The following ACADVL variants were observed in gnomAD, a reference collection of about 807,000 sequenced individuals.
ACADVL encodes the protein very long-chain acyl-CoA dehydrogenase, mitochondrial.
In ACADVL, 73 loss-of-function variants were observed where a neutral mutation model predicts 80.4. The observed-to-expected ratio is 0.91, with a 90% confidence interval of 0.75 to 1.10. ACADVL has a LOEUF of 1.10. Among genes scored for constraint, ACADVL ranks in the 50% least tolerant of loss-of-function variants. The pLI, the probability that ACADVL is intolerant of heterozygous loss-of-function variation, is 0.00. For synonymous variants in ACADVL, 392 were observed against 326.5 expected (o/e 1.20, Z -2.16); for missense variants, 878 against 858.9 (o/e 1.02, Z -0.28).
Position 7,220,686 on chromosome 17 carries a change from G to A in ACADVL, c.277+10G>A, listed in dbSNP as rs1597519525. On this transcript the variant is annotated intron_variant, in intron 4 of 19. Coordinates refer to ENST00000356839, the MANE Select transcript of ACADVL (RefSeq NM_000018.4). ...TTCCCATACCCGTCCGGTAAGGGAA[G>A]GGATAATCAGAGCTGGGTGGGGCCA... The A allele has an allele frequency of 1.2e-6, 2 of 1,614,242 alleles. No individual in the cohort carries two copies. The highest frequency in any genetic ancestry group is 2.2e-5 in the East Asian group (1 of 44,878).
Position 7,222,061 on chromosome 17 carries a change from T to G in ACADVL, c.732T>G (p.Asn244Lys). Residue 244 changes from asparagine to lysine, a missense_variant, in exon 8 of 20, where the codon AAT (asparagine) becomes AAG (lysine). Physicochemically the swap from Asn to Lys is moderately conservative, Grantham distance 94 (BLOSUM62 0). Coordinates refer to ENST00000356839, the MANE Select transcript of ACADVL (RefSeq NM_000018.4). ...PSPCGKYYTL[N>K]GSKLWISNGG... ...CCTGTGGAAAATACTATACCCTCAA[T>G]GGAAGCAAGCTTTGGATCAGGCAAC... The G allele has an allele frequency of 6.2e-7, 1 of 1,614,132 alleles. No individual in the cohort carries two copies. Among genetic ancestry groups the G allele is most frequent in the Non-Finnish European group, 8.5e-7 (1 of 1,180,006 alleles).
upstream of ACADVL, chr17:7,217,154 G>A (rs1354286008): frequency 7.8e-7 from 1 of 1,289,926 alleles, no homozygotes; most frequent in Non-Finnish European, 9.9e-7. Context: ...CCATGTTGGG[G>A]GGCCTGGCCG....
rs1469588148 is a variant in ACADVL, at chr17:7,221,646, G to C, written c.586G>C (p.Ala196Pro). 1.2e-6 allele frequency: 2 copies of C among 1,613,980 alleles called. No individual in the cohort carries two copies. The highest frequency in any genetic ancestry group is 1.3e-5 in the African/African-American group (1 of 75,054). ...AGGCATCCTGCTCTTTGGCACAAAG[G>C]CCCAGAAAGAAAAATACCTCCCCAA... is the stretch of plus-strand genomic sequence containing the variant. ...FKGILLFGTK[A>P]QKEKYLPKLA... The change falls in exon 7 of 20, where the codon GCC becomes CCC. Residue 196 changes from alanine to proline, a missense_variant. Transcript: ENST00000356839.
chr17:7,222,578 C>T, intron 9 of ACADVL, 89 bp from the exon 10 acceptor site: 1 of 1,376,904 alleles, frequency 7.3e-7, no homozygotes, highest in Non-Finnish European at 1.0e-6. Flanking sequence ...CGTCATTCCT[C>T]CCTGGTGCAT....
rs1399451591 is a variant in ACADVL, at chr17:7,220,111, A to C, written c.63-11A>C. Reference sequence around the variant, plus strand: ...GGCACCGGGCCGGCACTGAACCCCCACTCCCCACAGCTCGCGGCTCACGGC... The same window carrying C: ...GGCACCGGGCCGGCACTGAACCCCCCCTCCCCACAGCTCGCGGCTCACGGC... On this transcript the variant is annotated splice_polypyrimidine_tract_variant and intron_variant, in intron 1 of 19. Transcript: ENST00000356839. 1 of 1,581,194 alleles carries C rather than the reference A, an allele frequency of 6.3e-7. No homozygotes were observed. Among genetic ancestry groups the C allele is most frequent in the Admixed American group, 1.8e-5 (1 of 56,412 alleles).
At chr17:7,220,302 T>C in intron 2 of ACADVL, 105 bp downstream of exon 2, 1 of 1,502,490 alleles carries the variant, frequency 6.7e-7, no homozygotes, top group Non-Finnish European at 9.0e-7. Context: ...TGCCTACTGC[T>C]CAGTCGCCGA....
chr17:7,221,327 C>T, intron 6 of ACADVL: 1 of 949,906 alleles, frequency 1.1e-6, no homozygotes, highest in Non-Finnish European at 1.6e-6. Context: ...GCAAGTCACC[C>T]TCCTACCTAG....
chr17:7,219,411 A>C (rs2071079543), upstream of ACADVL: 2 of 1,015,440 alleles, frequency 2.0e-6, no homozygotes, highest in Non-Finnish European at 2.4e-6. Flanking sequence ...TCCTACTGTG[A>C]AACTGTAGCT....
Position 7,224,972 on chromosome 17 carries a change from C to A in ACADVL, c.1843C>A (p.Arg615=). The change falls in exon 20 of 20, where the codon CGA becomes AGA. Residue 615 remains arginine (R), a synonymous_variant. Transcript: ENST00000356839. ...CTCTCCCCAGGCTGCAGCTCGGATC[C>A]GAGAGGGCATGGCCGCCCTGCAGTC... is the stretch of plus-strand genomic sequence containing the variant. ...TWCIEAAARI[R]EGMAALQSDP... 1 of 1,614,086 alleles carries A rather than the reference C, an allele frequency of 6.2e-7. No homozygotes were observed. Among genetic ancestry groups the A allele is most frequent in the Non-Finnish European group, 8.5e-7 (1 of 1,180,022 alleles).
In ACADVL at chr17:7,220,672, G is replaced by C. The variant is rs778993830; in HGVS notation, c.273G>C (p.Pro91=). The C allele has an allele frequency of 1.2e-6, 2 of 1,614,192 alleles. No homozygotes were observed. Among genetic ancestry groups the C allele is most frequent in the South Asian group, 2.2e-5 (2 of 91,080 alleles). ...QLTTDQVFPY[P]SVLNEEQTQF... Reference sequence around the variant, plus strand: ...CCACAGATCAGGTGTTCCCATACCCGTCCGGTAAGGGAAGGGATAATCAGA... The same window carrying C: ...CCACAGATCAGGTGTTCCCATACCCCTCCGGTAAGGGAAGGGATAATCAGA... The change falls in exon 4 of 20, where the codon CCG becomes CCC. Residue 91 remains proline, a synonymous_variant. Coordinates refer to ENST00000356839, the MANE Select transcript of ACADVL (RefSeq NM_000018.4).
chr17:7,217,259 G>T (rs888212677), upstream of ACADVL: 11 of 1,254,264 alleles, frequency 8.8e-6, no homozygotes, highest in Non-Finnish European at 1.1e-5. Context: ...CTTTTGCAGG[G>T]GGGGCCAGGA....
rs981896874 is a variant in ACADVL, at chr17:7,222,713, G to A, written c.925G>A (p.Glu309Lys). 1.9e-6 allele frequency: 3 copies of A among 1,614,112 alleles called. No individual in the cohort carries two copies. The highest frequency in any genetic ancestry group is 1.3e-5 in the African/African-American group (1 of 75,012). The change falls in exon 10 of 20, where the codon GAG (glutamate) becomes AAG (lysine). Residue 309 changes from glutamate to lysine, a missense_variant. By Grantham distance (56) the Glu-to-Lys change is moderately conservative. Coordinates refer to ENST00000356839, the MANE Select transcript of ACADVL (RefSeq NM_000018.4). Reference protein sequence around the residue: ...KMGIKASNTAEVFFDGVRVPS... With the variant: ...KMGIKASNTAKVFFDGVRVPS... ...GGGCATCAAGGCTTCAAACACAGCA[G>A]AGGTGTTCTTTGATGGAGTACGGGT... is the stretch of plus-strand genomic sequence containing the variant.
intron 9 of ACADVL, 139 bp from the exon 10 acceptor site, chr17:7,222,528 G>C (rs1253455482): frequency 1.7e-6 from 2 of 1,176,458 alleles, no homozygotes; most frequent in Non-Finnish European, 2.4e-6. Flanking sequence ...CTCAGGGCCT[G>C]AGGGGAAGTG....
At chr17:7,221,228 C>T in intron 6 of ACADVL, 170 bp downstream of exon 6, 2 of 1,205,770 alleles carry the variant, frequency 1.7e-6, no homozygotes, top group South Asian at 1.4e-5. Context: ...ACATGCAGTC[C>T]CCTAGGCCTG....
intron 9 of ACADVL, 36 bp downstream of exon 9, chr17:7,222,338 G>A (rs774628484): frequency 1.9e-6 from 3 of 1,608,108 alleles, no homozygotes; most frequent in Non-Finnish European, 2.6e-6. Flanking sequence ...TTAGGACTGA[G>A]GGGCAGGACT....
At position 7,222,245 on chromosome 17, in the gene ACADVL, C is replaced by T. The variant is rs1245251261; in HGVS notation, c.821C>T (p.Ala274Val). The T allele has an allele frequency of 7.4e-6, 12 of 1,614,094 alleles. No individual in the cohort carries two copies. The highest frequency in any genetic ancestry group is 1.0e-5 in the Non-Finnish European group (12 of 1,180,024). The stretch of plus-strand genomic sequence containing the variant: ...CCAGTTACAGATCCAGCCACAGGAG[C>T]CGTGAAGGAGAAGATCACAGCTTTT... ...KTPVTDPATG[A>V]VKEKITAFVV... Residue 274 changes from alanine to valine, a missense_variant, in exon 9 of 20, where the codon GCC becomes GTC. Ala to Val is a moderately conservative substitution (Grantham distance 64). Transcript: ENST00000356839.
chr17:7,218,785 C>T (rs186123640), upstream of ACADVL: 5 of 1,612,288 alleles, frequency 3.1e-6, no homozygotes, highest in East Asian at 4.5e-5. Context: ...CCCAGCCCCC[C>T]ACTTCGCTCC....
In ACADVL at chr17:7,223,604, T is replaced by C. The variant is rs576352412; in HGVS notation, c.1183-40T>C. 5.6e-6 allele frequency: 9 copies of C among 1,609,494 alleles called. No individual in the cohort carries two copies. The East Asian group carries it at 1.8e-4, about 32-fold the overall frequency. The stretch of plus-strand genomic sequence containing the variant: ...ATGAGGCCAAGTCTGACAAAGCCCT[T>C]TGCAATTTTCCTTCCCATGTCCCAA... On this transcript the variant is annotated intron_variant, in intron 11 of 19. Coordinates refer to ENST00000356839, the MANE Select transcript of ACADVL (RefSeq NM_000018.4).
chr17:7,222,581 T>G, intron 9 of ACADVL, 86 bp from the exon 10 acceptor site: 2 of 1,385,214 alleles, frequency 1.4e-6, no homozygotes, highest in Non-Finnish European at 2.0e-6. Context: ...CATTCCTCCC[T>G]GGTGCATAAG....
Sources: gnomAD v4.1 joint callset for allele counts on GRCh38, gnomAD v4.1.1 for gene constraint, MANE v1.5 for transcripts, NCBI Gene and HGNC (gene_info 2026-07-23, HGNC 2026-07-21) for gene names.